Variants in ALKBH6 observed in about 807,000 individuals in gnomAD.
ALKBH6 encodes probable RNA/DNA demethylase ALKBH6.
In ALKBH6, 20 loss-of-function variants were observed where a neutral mutation model predicts 25.1. The observed-to-expected ratio is 0.80, with a 90% CI of 0.56 to 1.16. The LOEUF is 1.16. ALKBH6 is among the 50% of genes most tolerant of loss of function. The probability of loss-of-function intolerance (pLI) is 0.00; values close to 1 mark genes in which losing one functional copy is unlikely to be tolerated. For synonymous variants in ALKBH6, 156 were observed against 147.5 expected, an observed-to-expected ratio of 1.06 and a Z score of -0.42; for missense variants, 263 against 326.5, an observed-to-expected ratio of 0.81 and a Z score of 1.50.
intron 3 of ALKBH6, 96 bp downstream of exon 3, chr19:36,012,925 C>T: frequency 8.0e-7 from 1 of 1,244,666 alleles, no homozygotes; most frequent in Non-Finnish European, 1.2e-6. Context: ...CTGTCGGGGT[C>T]TTCACTGCAG....
chr19:36,009,317 C>T lies in ALKBH6; in HGVS notation c.690G>A (p.Leu230=). ...SLTIRRVPRV[L]RAGLLLGK ...ACTTGCCCAGCAGGAGGCCGGCGCG[C>T]AGCACGCGGGGCACGCGGCGGATGG... Residue 230 remains leucine, a synonymous_variant, in exon 7 of 7, where the codon CTG becomes CTA. Transcript: ENST00000378875. The T allele has an allele frequency of 7.3e-7, 1 of 1,361,370 alleles. No homozygotes were observed. The highest frequency in any genetic ancestry group is 3.1e-5 in the Admixed American group (1 of 32,138). 84.3% of individuals were successfully genotyped at this position (1,361,370 alleles called of 1,614,324 possible).
chr19:36,010,569 G>C lies in ALKBH6; in HGVS notation c.451C>G (p.Gln151Glu), dbSNP rs752853125. Residue 151 changes from glutamine to glutamate, a missense_variant and splice_region_variant, in exon 6 of 7, where the codon CAG (glutamine) becomes GAG (glutamate). By Grantham distance (29) the Gln-to-Glu change is conservative. Transcript: ENST00000378875. The surrounding 1 kb of genome is among the most constrained non-coding windows in gnomAD (Gnocchi z 5.5). ...TGGGGCAGTGTCTGGGGGCCCACCT[G>C]TTCTGTAGGGTCATCGTCCTCTGGC... ...RRPEDDDPTE[Q>E]PRPPPRPTTS... 3.1e-6 allele frequency: 5 copies of C among 1,613,566 alleles called. 1 individual carries two copies. The highest frequency in any genetic ancestry group is 2.2e-5 in the South Asian group (2 of 91,058).
rs1289337296 is a variant in ALKBH6 at position 36,010,601 on chromosome 19, G to A, written c.419C>T (p.Pro140Leu). 1.5e-5 allele frequency: 25 copies of A among 1,613,878 alleles called. No homozygotes were observed. The highest frequency in any genetic ancestry group is 6.7e-5 in the African/African-American group (5 of 74,908). The change falls in exon 6 of 7, where the codon CCG becomes CTG. Residue 140 changes from proline (P) to leucine (L), a missense_variant. Pro to Leu is a moderately conservative substitution (Grantham distance 98, BLOSUM62 -3). This residue lies in a region of ALKBH6 where 148 missense variants were observed against 157.5 expected (regional missense o/e 0.94). Transcript: ENST00000378875. This position sits in a 1 kb window ranked among gnomAD's most constrained non-coding sequence, Gnocchi z 5.5. ...GSHTVLDFYEPRRPEDDDPTE... is the reference protein window; with the variant it reads ...GSHTVLDFYELRRPEDDDPTE... The stretch of plus-strand genomic sequence containing the variant: ...AGGGTCATCGTCCTCTGGCCGCCGC[G>A]GCTCGTAGAAGTCCAGCACGGTGTG...
rs201738084 is a variant in ALKBH6, at chr19:36,010,580, T to A, written c.440A>T (p.Asp147Val). ...CTGGGGGCCCACCTGTTCTGTAGGG[T>A]CATCGTCCTCTGGCCGCCGCGGCTC... ...FYEPRRPEDD[D>V]PTEQPRPPPR... is the part of the protein sequence containing the mutation. The change falls in exon 6 of 7, where the codon GAC becomes GTC. Residue 147 changes from aspartate to valine, a missense_variant. Asp to Val is a radical substitution (Grantham distance 152). This residue lies in a region of ALKBH6 where 148 missense variants were observed against 157.5 expected (regional missense o/e 0.94). Coordinates refer to ENST00000378875, the MANE Select transcript of ALKBH6 (RefSeq NM_032878.5). The surrounding 1 kb of genome is among the most constrained non-coding windows in gnomAD (Gnocchi z 5.5). The A allele has an allele frequency of 7.8e-4, 1,265 of 1,613,676 alleles. 1 individual carries two copies. Among genetic ancestry groups the A allele is most frequent in the Non-Finnish European group, 9.6e-4 (1,136 of 1,179,870 alleles).
rs750086890 is a variant in ALKBH6, at chr19:36,013,035, A to C, written c.109T>G (p.Tyr37Asp). 16 of 1,613,450 alleles carry C rather than the reference A, an allele frequency of 9.9e-6. No homozygotes were observed. The South Asian group carries it at 1.5e-4, about 16-fold the overall frequency. ...PDFISKEEEE[Y>D]LLRQVFNAPK... ...ACTGAGGTCACCTGTCGAAGCAAATACTCCTCCTCTTCTTTGGAGATGAAG... is the reference window on the plus strand; with the variant it reads ...ACTGAGGTCACCTGTCGAAGCAAATCCTCCTCCTCTTCTTTGGAGATGAAG... Residue 37 changes from tyrosine (Y) to aspartate (D), a missense_variant, in exon 3 of 7, where the codon TAT becomes GAT. Physicochemically the swap from Tyr to Asp is radical, Grantham distance 160. Coordinates refer to ENST00000378875, the MANE Select transcript of ALKBH6 (RefSeq NM_032878.5). The surrounding 1 kb of genome is among the most constrained non-coding windows in gnomAD (Gnocchi z 4.6).
chr19:36,013,317 A>AC lies in ALKBH6; in HGVS notation c.54+26dup, dbSNP rs767504707. Reference sequence around the variant, plus strand: ...ACTCAGGAATCAGCCTGCCTCCTTCACCCTCTGCACCCTGAGTTCTGACAA... The same window carrying AC: ...ACTCAGGAATCAGCCTGCCTCCTTCACCCCTCTGCACCCTGAGTTCTGACAA... On this transcript the variant is annotated intron_variant, in intron 2 of 6. Transcript: ENST00000378875. This position sits in a 1 kb window ranked among gnomAD's most constrained non-coding sequence, Gnocchi z 4.6. 89 of 1,613,570 alleles carry AC rather than the reference A, an allele frequency of 5.5e-5. No individual in the cohort carries two copies. Among genetic ancestry groups the AC allele is most frequent in the Non-Finnish European group, 7.1e-5 (84 of 1,179,712 alleles).
Position 36,013,910 on chromosome 19 carries a change from C to T in ALKBH6, c.-26+265G>A. 1.5e-6 allele frequency: 2 copies of T among 1,364,824 alleles called. No homozygotes were observed. Among genetic ancestry groups the T allele is most frequent in the South Asian group, 3.4e-5 (2 of 58,642 alleles). 84.5% of individuals were successfully genotyped at this position (1,364,824 alleles called of 1,614,324 possible). On this transcript the variant is annotated intron_variant, in intron 1 of 6. Coordinates refer to ENST00000378875, the MANE Select transcript of ALKBH6 (RefSeq NM_032878.5). This position sits in a 1 kb window ranked among gnomAD's most constrained non-coding sequence, Gnocchi z 4.6. ...ATCTGAGCCTCCTCAGACATGTCCA[C>T]CCTCAGCCTCCTCGGATCCCCCCAT...
chr19:36,009,581 G>A (rs1297566049), intron 6 of ALKBH6, 28 bp from the exon 7 acceptor site: 1 of 1,018,554 alleles, frequency 9.8e-7, no homozygotes, highest in Non-Finnish European at 1.2e-6. Context: ...GGTCAGCAGG[G>A]CTCAAGAAGT....
rs998123428 is a variant in ALKBH6 at position 36,009,184 on chromosome 19, A to G, written c.*106T>C. On this transcript the variant is annotated 3_prime_UTR_variant, in exon 7 of 7. Transcript: ENST00000378875. ...GCTCACACAAAATTATTGGGAAAAT[A>G]AATAACCCAGGGGAGCCCCCTTTGC... 1.4e-4 allele frequency: 173 copies of G among 1,212,604 alleles called. 1 individual carries two copies. The highest frequency in any genetic ancestry group is 3.1e-4 in the Middle Eastern group (1 of 3,188). The allele number at this position is 1,212,604 out of a possible 1,614,324, so 75.1% of individuals were successfully genotyped here. A position where few individuals can be genotyped will look rare whatever the true frequency, so the allele number is the denominator to read the frequency against.
rs764755631 is a variant in ALKBH6, at chr19:36,009,445, G to T, written c.562C>A (p.Arg188Ser). 1.6e-6 allele frequency: 2 copies of T among 1,245,872 alleles called. No individual in the cohort carries two copies. The highest frequency in any genetic ancestry group is 1.0e-6 in the Non-Finnish European group (1 of 996,978). The allele number at this position is 1,245,872 out of a possible 1,614,324, so 77.2% of individuals were successfully genotyped here. A position where few individuals can be genotyped will look rare whatever the true frequency, so the allele number is the denominator to read the frequency against. Residue 188 changes from arginine (R) to serine (S), a missense_variant, in exon 7 of 7, where the codon CGC becomes AGC. This residue lies in a region of ALKBH6 where 148 missense variants were observed against 157.5 expected (regional missense o/e 0.94). Transcript: ENST00000378875. The stretch of plus-strand genomic sequence containing the variant: ...GAGGCGGCGTCCAGCGCGTCTACGC[G>T]GGCGGCGGCGATGCCGTGGAGAAGA... ...TRLLHGIAAARVDALDAASSP... is the reference protein window; with the variant it reads ...TRLLHGIAAASVDALDAASSP...
intron 3 of ALKBH6, 156 bp downstream of exon 3, chr19:36,012,865 T>C (rs1387989459): frequency 5.5e-6 from 4 of 724,492 alleles, no homozygotes; most frequent in Non-Finnish European, 7.3e-6. Flanking sequence ...CTAGCAGGAT[T>C]GGGCTATCTC....
Position 36,010,562 on chromosome 19 carries a change from C to T in ALKBH6, c.453+5G>A. 1 of 1,612,252 alleles carries T rather than the reference C, an allele frequency of 6.2e-7. No individual in the cohort carries two copies. Among genetic ancestry groups the T allele is most frequent in the Non-Finnish European group, 8.5e-7 (1 of 1,178,822 alleles). On this transcript the variant is annotated splice_donor_5th_base_variant and intron_variant, in intron 6 of 6. Transcript: ENST00000378875. This position sits in a 1 kb window ranked among gnomAD's most constrained non-coding sequence, Gnocchi z 5.5. ...AAGCAGCTGGGGCAGTGTCTGGGGG[C>T]CCACCTGTTCTGTAGGGTCATCGTC...
At position 36,010,983 on chromosome 19, in the gene ALKBH6, C is replaced by T. The variant is rs377096899; in HGVS notation, c.247G>A (p.Val83Met). ...ERLPPWLQRY[V>M]DKVSNLSLFG... Reference sequence around the variant, plus strand: ...AGGCTGAGGTTTGACACTTTGTCCACGTAGCGCTGGAGCCATGGGGGCAGC... The same window carrying T: ...AGGCTGAGGTTTGACACTTTGTCCATGTAGCGCTGGAGCCATGGGGGCAGC... The change falls in exon 5 of 7, where the codon GTG becomes ATG. Residue 83 changes from valine to methionine, a missense_variant. Around this residue, in one of 3 missense-constraint regions of ALKBH6, gnomAD observed 112 missense variants for 153.0 expected, o/e 0.73. Coordinates refer to ENST00000378875, the MANE Select transcript of ALKBH6 (RefSeq NM_032878.5). This position sits in a 1 kb window ranked among gnomAD's most constrained non-coding sequence, Gnocchi z 5.5. The T allele has an allele frequency of 2.7e-5, 43 of 1,613,892 alleles. No homozygotes were observed. The African/African-American group carries it at 4.0e-4, about 15-fold the overall frequency.
At chr19:36,011,111 A>G (rs1968599331) in intron 4 of ALKBH6, 66 bp from the exon 5 acceptor site, 1 of 1,538,028 alleles carries the variant, frequency 6.5e-7, no homozygotes, top group African/African-American at 1.4e-5. Flanking sequence ...GGGATTCCAC[A>G]GTGGCTGGAA....
intron 4 of ALKBH6, 122 bp downstream of exon 4, chr19:36,011,282 C>T (rs1447248443): frequency 2.3e-6 from 3 of 1,303,738 alleles, no homozygotes; most frequent in Non-Finnish European, 3.2e-6. Context: ...TCAGAATCCT[C>T]CTGGCTCTTG....
In ALKBH6 at chr19:36,009,404, C is replaced by A; in HGVS notation, c.603G>T (p.Ala201=). The A allele has an allele frequency of 1.6e-6, 2 of 1,249,856 alleles. No individual in the cohort carries two copies. Among genetic ancestry groups the A allele is most frequent in the Non-Finnish European group, 2.0e-6 (2 of 998,580 alleles). The allele number at this position is 1,249,856 out of a possible 1,614,324, so 77.4% of individuals were successfully genotyped here. A position where few individuals can be genotyped will look rare whatever the true frequency, so the allele number is the denominator to read the frequency against. Residue 201 remains alanine (A), a synonymous_variant, in exon 7 of 7, where the codon GCG becomes GCT. Transcript: ENST00000378875. ...CCGGCCGCGCCGACGGGCAGGCTGC[C>A]GCATTGGGCGGCGAGGAGGCGGCGT... ...ALDAASSPPN[A]AACPSARPGA...
At chr19:36,012,967 T>G (rs1355774077) in intron 3 of ALKBH6, 54 bp downstream of exon 3, 1 of 1,533,500 alleles carries the variant, frequency 6.5e-7, no homozygotes, top group Admixed American at 1.7e-5. Context: ...GGATGGACAT[T>G]GGGGAGGAAT....
chr19:36,011,360 C>A (rs1285884870), intron 4 of ALKBH6, 44 bp downstream of exon 4: 3 of 1,604,734 alleles, frequency 1.9e-6, no homozygotes, highest in African/African-American at 2.7e-5. Context: ...CCTGCCCCAG[C>A]CTACATCCCA....
In ALKBH6 at chr19:36,013,745, A is replaced by C; in HGVS notation, c.-25-323T>G. On this transcript the variant is annotated intron_variant, in intron 1 of 6. Coordinates refer to ENST00000378875, the MANE Select transcript of ALKBH6 (RefSeq NM_032878.5). The surrounding 1 kb of genome is among the most constrained non-coding windows in gnomAD (Gnocchi z 4.6). Reference sequence around the variant, plus strand: ...GGAGCCTTTCTCAAAAGCTCTACACATAGCCCCCAGGGCTGCACTCCAGAG... The same window carrying C: ...GGAGCCTTTCTCAAAAGCTCTACACCTAGCCCCCAGGGCTGCACTCCAGAG... 7.8e-7 allele frequency: 1 copy of C among 1,280,974 alleles called. No homozygotes were observed. The highest frequency in any genetic ancestry group is 9.9e-7 in the Non-Finnish European group (1 of 1,009,064). 79.4% of individuals were successfully genotyped at this position (1,280,974 alleles called of 1,614,324 possible).
Sources: gnomAD v4.1 joint callset for allele counts on GRCh38, gnomAD v4.1.1 for gene constraint, gnomAD v4.1.1 regional missense constraint, Gnocchi (gnomAD v3.1) non-coding constraint, MANE v1.5 for transcripts, NCBI Gene and HGNC (gene_info 2026-07-23, HGNC 2026-07-21) for gene names.